NAALADL2: variants seen among roughly 807,000 people sequenced by gnomAD.
The protein encoded by NAALADL2 is N-acetylated alpha-linked acidic dipeptidase like 2.
A neutral mutation model predicts 87.2 loss-of-function variants in NAALADL2; 76 were observed. The observed-to-expected ratio is 0.87, with a 90% CI of 0.72 to 1.05. NAALADL2 has a LOEUF of 1.05. Among genes scored for constraint, NAALADL2 ranks in the 50% least tolerant of loss-of-function variants. The pLI is 0.00. For synonymous variants in NAALADL2, 354 were observed against 331.0 expected (o/e 1.07, Z -0.75); for missense variants, 1,089 against 945.8 (o/e 1.15, Z -1.99).
chr3:175,293,055 AAAAAAAAAG>A (rs1755860085), intron 4 of NAALADL2, among the ~76,000 whole-genome samples: 1 of 150,274 alleles, frequency 6.7e-6, no homozygotes, highest in African/African-American at 2.5e-5. Context: ...AAAAAAAAAA[AAAAAAAAAG>A]GGGGAACTCG....
intron 11 of NAALADL2, among the ~76,000 whole-genome samples, chr3:175,715,275 A>G (rs1191253170): frequency 6.6e-6 from 1 of 152,164 alleles, no homozygotes; most frequent in Non-Finnish European, 1.5e-5. Flanking sequence ...CTATTCTAGT[A>G]GAAGAGTTCA....
chr3:175,546,179 A>G (rs1019807305), intron 9 of NAALADL2, among the ~76,000 whole-genome samples: 1 of 152,074 alleles, frequency 6.6e-6, no homozygotes, highest in Non-Finnish European at 1.5e-5. Context: ...TTGTTGGTTT[A>G]AAGTCTGTTT....
At chr3:174,715,221 AT>A (rs879893003) in intron 2 of NAALADL2, among the ~76,000 whole-genome samples, 5 of 152,012 alleles carry the variant, frequency 3.3e-5, no homozygotes, top group Admixed American at 6.6e-5. Flanking sequence ...CCTTCCAACT[AT>A]TTTTTTAGGC....
At chr3:174,837,496 A>C (rs1311763113) in intron 3 of NAALADL2, among the ~76,000 whole-genome samples, 1 of 152,210 alleles carries the variant, frequency 6.6e-6, no homozygotes, top group Non-Finnish European at 1.5e-5. Flanking sequence ...TTGAAATGGT[A>C]ATAAAAATAA....
intron 3 of NAALADL2, among the ~76,000 whole-genome samples, chr3:174,845,919 C>A (rs552123763): frequency 5.3e-5 from 8 of 152,130 alleles, no homozygotes; most frequent in Non-Finnish European, 1.2e-4. Flanking sequence ...CAGGGCAGGA[C>A]GCGTTGCACC....
intron 11 of NAALADL2, among the ~76,000 whole-genome samples, chr3:175,650,596 C>G (rs1730636788): frequency 6.6e-6 from 1 of 152,100 alleles, no homozygotes; most frequent in African/African-American, 2.4e-5. Context: ...TTGCCAGTTT[C>G]CATTAAGATT....
chr3:175,639,389 C>T (rs1431928636), intron 11 of NAALADL2, among the ~76,000 whole-genome samples: 3 of 137,122 alleles, frequency 2.2e-5, no homozygotes, highest in East Asian at 2.2e-4. Flanking sequence ...GGTGCAATCT[C>T]GGCTCACTGC....
Position 175,189,094 on chromosome 3 carries a change from A to G in NAALADL2, c.546-44837A>G, listed in dbSNP as rs60953067. Reference sequence around the variant, plus strand: ...CTTCATCTTATGGTTTCAACATAATAAGGGCTATTTGTGAAAAATCCCACA... The same window carrying G: ...CTTCATCTTATGGTTTCAACATAATGAGGGCTATTTGTGAAAAATCCCACA... On this transcript the variant is annotated intron_variant, in intron 2 of 13. Coordinates refer to ENST00000454872, the MANE Select transcript of NAALADL2 (RefSeq NM_207015.3). Among the ~76,000 whole-genome samples, 685 of 152,236 alleles carry G rather than the reference A, an allele frequency of 4.5e-3. 3 individuals carry two copies. The highest frequency in any genetic ancestry group is 0.016 in the African/African-American group (653 of 41,534).
intron 11 of NAALADL2, among the ~76,000 whole-genome samples, chr3:175,658,618 C>T (rs913012968): frequency 6.6e-6 from 1 of 152,070 alleles, no homozygotes; most frequent in African/African-American, 2.4e-5. Context: ...GTTCTCCTAA[C>T]CCAGAAATGC....
intron 3 of NAALADL2, among the ~76,000 whole-genome samples, chr3:174,850,231 C>G (rs1047460077): frequency 5.3e-5 from 8 of 151,970 alleles, no homozygotes; most frequent in Non-Finnish European, 8.8e-5. Context: ...CCTACTCTAG[C>G]CTATCCTGTA....
chr3:174,971,732 C>G (rs1169084411), intron 1 of NAALADL2, among the ~76,000 whole-genome samples: 1 of 151,562 alleles, frequency 6.6e-6, no homozygotes, highest in African/African-American at 2.4e-5. Context: ...GAGTCTCGCT[C>G]TTTTACCCAG....
rs1755085666 is a variant in NAALADL2 at position 175,810,532 on chromosome 3, A to G, written c.*7329A>G. 1 of 152,084 alleles carries G rather than the reference A, an allele frequency of 6.6e-6. No homozygotes were observed. Among genetic ancestry groups the G allele is most frequent in the Non-Finnish European group, 1.5e-5 (1 of 67,990 alleles). The allele number at this position is 152,084 out of a possible 1,614,324, so 9.4% of individuals were successfully genotyped here. The stretch of plus-strand genomic sequence containing the variant: ...TTAAAACACCCATTTTGAAATTATT[A>G]AATACAGGTAAAAACATTGCTATAC... On this transcript the variant is annotated 3_prime_UTR_variant, in exon 14 of 14. Transcript: ENST00000454872.
intron 1 of NAALADL2, among the ~76,000 whole-genome samples, chr3:174,933,704 A>G (rs552635619): frequency 1.5e-4 from 23 of 152,202 alleles, no homozygotes; most frequent in Non-Finnish European, 3.1e-4. Context: ...AACTGATGTT[A>G]TTCAAAGATA....
At chr3:175,314,690 A>ATATGTATATATAGTTCTAAC (rs1553857549) in intron 4 of NAALADL2, among the ~76,000 whole-genome samples, 30 of 51,468 alleles carry the variant, frequency 5.8e-4, no homozygotes, top group Non-Finnish European at 9.3e-4. Context: ...ATATATATAT[A>ATATGTATATATAGTTCTAAC]TATATATATA....
chr3:175,165,762 C>T (rs1358893457), intron 2 of NAALADL2, among the ~76,000 whole-genome samples: 1 of 152,120 alleles, frequency 6.6e-6, no homozygotes, highest in Non-Finnish European at 1.5e-5. Flanking sequence ...CTCTTGCTGA[C>T]TCACTTTTCC....
intron 13 of NAALADL2, among the ~76,000 whole-genome samples, chr3:175,788,337 C>T (rs929391326): frequency 6.6e-6 from 1 of 152,030 alleles, no homozygotes; most frequent in Non-Finnish European, 1.5e-5. Flanking sequence ...AACGATCCAC[C>T]ACCTCAGCCT....
intron 1 of NAALADL2, among the ~76,000 whole-genome samples, chr3:175,062,476 CTGTGTG>C (rs71792051): frequency 0.03 from 3,952 of 131,484 alleles, 78 homozygotes; most frequent in Admixed American, 0.073. Context: ...GGAAGTTTGG[CTGTGTG>C]TGTGTGTGTG....
chr3:175,407,107 C>T (rs1262245327), intron 5 of NAALADL2, among the ~76,000 whole-genome samples: 2 of 152,030 alleles, frequency 1.3e-5, no homozygotes, highest in African/African-American at 4.8e-5. Context: ...TCGCTTGAAC[C>T]CAGGAGGCAG....
At chr3:175,692,515 G>C (rs975474037) in intron 11 of NAALADL2, among the ~76,000 whole-genome samples, 1 of 152,090 alleles carries the variant, frequency 6.6e-6, no homozygotes, top group Non-Finnish European at 1.5e-5. Flanking sequence ...GCTGAAACTA[G>C]TCAGGACATG....
Sources: allele counts gnomAD v4.1 joint callset (sites outside exome capture counted in the v4.1 genomes callset), GRCh38; gene constraint gnomAD v4.1.1; transcripts MANE v1.5; gene names NCBI Gene and HGNC (gene_info 2026-07-23, HGNC 2026-07-21).